The following FAM83C variants were observed in gnomAD, a reference collection of about 807,000 sequenced individuals.
FAM83C encodes the protein scaffolding CK1 anchoring protein C.
FAM83C carries 23 observed loss-of-function variants against 27.1 expected under a neutral mutation model. The ratio of observed to expected loss-of-function variants is 0.85; its 90% CI spans 0.61 to 1.20. FAM83C has a LOEUF of 1.20. Among genes scored for constraint, FAM83C ranks in the 50% most tolerant of loss-of-function variants. The probability of loss-of-function intolerance (pLI) is 0.00; values close to 1 mark genes in which losing one functional copy is unlikely to be tolerated. For missense variants in FAM83C, 984 were observed against 1,001.3 expected (o/e 0.98, Z 0.23); for synonymous variants, 426 against 423.1 (o/e 1.01, Z -0.09).
chr20:35,290,248 C>A (rs2060843110), intron 1 of FAM83C, among the ~76,000 whole-genome samples: 1 of 152,178 alleles, frequency 6.6e-6, no homozygotes, highest in African/African-American at 2.4e-5. Context: ...CAAAGAGGCC[C>A]CTGAAACCTT....
Position 35,288,563 on chromosome 20 carries a change from C to A in FAM83C, c.704G>T (p.Cys235Phe). 6.2e-7 allele frequency: 1 copy of A among 1,614,192 alleles called. No homozygotes were observed. Among genetic ancestry groups the A allele is most frequent in the Non-Finnish European group, 8.5e-7 (1 of 1,180,010 alleles). ...AGCCTTGCTGCAGTATGTGTCCCCA[C>A]ACGTGCTCCGCACACGCATGTTCTA... Reference protein sequence around the residue: ...HLPNMRVRSTCGDTYCSKAGR... With the variant: ...HLPNMRVRSTFGDTYCSKAGR... Residue 235 changes from cysteine to phenylalanine, a missense_variant, in exon 3 of 4, where the codon TGT becomes TTT. Coordinates refer to ENST00000374408, the MANE Select transcript of FAM83C (RefSeq NM_178468.6).
intron 1 of FAM83C, 84 bp from the exon 2 acceptor site, chr20:35,289,042 G>A (rs2060839095): frequency 9.3e-6 from 14 of 1,506,822 alleles, no homozygotes; most frequent in South Asian, 3.9e-5. Context: ...GAAACTGGGC[G>A]CCGGGAAAAG....
At position 35,287,209 on chromosome 20, in the gene FAM83C, C is replaced by G. The variant is rs1157376616; in HGVS notation, c.1570G>C (p.Asp524His). The G allele has an allele frequency of 3.1e-6, 5 of 1,611,954 alleles. No homozygotes were observed. The highest frequency in any genetic ancestry group is 4.2e-6 in the Non-Finnish European group (5 of 1,179,950). Residue 524 changes from aspartate (D) to histidine (H), a missense_variant, in exon 4 of 4, where the codon GAC becomes CAC. Physicochemically the swap from Asp to His is moderately conservative, Grantham distance 81 (BLOSUM62 -1). Transcript: ENST00000374408. Reference sequence around the variant, plus strand: ...CCTGAGTTGGGGGTAACCCCAGAGTCAGGGTCTCCCACTTCTCGGGCTCTG... The same window carrying G: ...CCTGAGTTGGGGGTAACCCCAGAGTGAGGGTCTCCCACTTCTCGGGCTCTG... ...FPRAREVGDP[D>H]SGVTPNSGPL...
In FAM83C at chr20:35,289,287, A is replaced by G. The variant is rs561321181; in HGVS notation, c.514-329T>C. On this transcript the variant is annotated intron_variant, in intron 1 of 3. Transcript: ENST00000374408. ...GGCTCAAGCAATCTCCTCCCAACTC[A>G]GCCTCCCAAGTAGCTGGTATTATAG... Among the ~76,000 whole-genome samples, 9 of 151,176 alleles carry G rather than the reference A, an allele frequency of 6.0e-5. No homozygotes were observed. In the South Asian group the frequency reaches 1.7e-3, roughly 28 times the overall value.
In FAM83C at chr20:35,292,248, C is replaced by A. The variant is rs1600834282; in HGVS notation, c.57G>T (p.Leu19=). 1 of 1,552,080 alleles carries A rather than the reference C, an allele frequency of 6.4e-7. No homozygotes were observed. Among genetic ancestry groups the A allele is most frequent in the Non-Finnish European group, 8.6e-7 (1 of 1,157,004 alleles). Reference sequence around the variant, plus strand: ...GCTTCAGCTCTTCCACCCGGCCCCGCAGGGGTCCCGCCATGCCCTGGGCTC... The same window carrying A: ...GCTTCAGCTCTTCCACCCGGCCCCGAAGGGGTCCCGCCATGCCCTGGGCTC... The part of the protein sequence containing the change: ...VLGAQGMAGP[L]RGRVEELKLP... Residue 19 remains leucine (L), a synonymous_variant, in exon 1 of 4, where the codon CTG becomes CTT. Transcript: ENST00000374408.
chr20:35,291,643 C>A, intron 1 of FAM83C, 149 bp downstream of exon 1: 1 of 1,010,416 alleles, frequency 9.9e-7, no homozygotes, highest in Non-Finnish European at 1.4e-6. Flanking sequence ...GGGATGTCCC[C>A]CTTCTAGGAG....
rs2060822237 is a variant in FAM83C at position 35,286,083 on chromosome 20, C to T, written c.*452G>A. The T allele has an allele frequency of 5.9e-6, 1 of 168,468 alleles. No individual in the cohort carries two copies. Among genetic ancestry groups the T allele is most frequent in the Non-Finnish European group, 1.3e-5 (1 of 78,574 alleles). 10.4% of individuals were successfully genotyped at this position (168,468 alleles called of 1,614,324 possible). Reference sequence around the variant, plus strand: ...ACTCTCTCCTCCCTCTGTCCAAAACCTCCCCATCCTTCAGGGCCTGGCTCA... The same window carrying T: ...ACTCTCTCCTCCCTCTGTCCAAAACTTCCCCATCCTTCAGGGCCTGGCTCA... On this transcript the variant is annotated 3_prime_UTR_variant, in exon 4 of 4. Transcript: ENST00000374408.
At chr20:35,289,811 T>C (rs1349002812) in intron 1 of FAM83C, among the ~76,000 whole-genome samples, 1 of 152,164 alleles carries the variant, frequency 6.6e-6, no homozygotes, top group Admixed American at 6.5e-5. Context: ...AGCATTTGTG[T>C]GCATCCTTCT....
rs146526998 is a variant in FAM83C, at chr20:35,287,626, G to A, written c.1153C>T (p.Arg385Cys). The change falls in exon 4 of 4, where the codon CGC becomes TGC. Residue 385 changes from arginine (R) to cysteine (C), a missense_variant. Arg to Cys is a radical substitution (Grantham distance 180). Coordinates refer to ENST00000374408, the MANE Select transcript of FAM83C (RefSeq NM_178468.6). Reference sequence around the variant, plus strand: ...GAGGGCTGGCCACTGGCCTCACGGCGGGCAGGACCCAGGGACGAGGACACC... The same window carrying A: ...GAGGGCTGGCCACTGGCCTCACGGCAGGCAGGACCCAGGGACGAGGACACC... ...GVVSSSLGPA[R>C]REASGQPSLH... The A allele has an allele frequency of 1.0e-4, 163 of 1,614,012 alleles. 1 individual carries two copies. Among genetic ancestry groups the A allele is most frequent in the African/African-American group, 5.6e-4 (42 of 75,034 alleles).
Position 35,287,609 on chromosome 20 carries a change from G to T in FAM83C, c.1170C>A (p.Gly390=), listed in dbSNP as rs2060832740. The part of the protein sequence containing the change: ...SLGPARREAS[G]QPSLHRQLSD... ...ACAGTTGGCGATGTAGGGAGGGCTG[G>T]CCACTGGCCTCACGGCGGGCAGGAC... Residue 390 remains glycine (G), a synonymous_variant, in exon 4 of 4, where the codon GGC becomes GGA. Transcript: ENST00000374408. 6.2e-7 allele frequency: 1 copy of T among 1,613,966 alleles called. No individual in the cohort carries two copies. Among genetic ancestry groups the T allele is most frequent in the Non-Finnish European group, 8.5e-7 (1 of 1,179,986 alleles).
chr20:35,288,417 G>T, intron 3 of FAM83C, 44 bp downstream of exon 3: 2 of 1,609,280 alleles, frequency 1.2e-6, no homozygotes, highest in Non-Finnish European at 1.7e-6. Context: ...CTGCCAGCCA[G>T]TGATGCAGCC....
rs758824240 is a variant in FAM83C, at chr20:35,291,911, A to T, written c.394T>A (p.Trp132Arg). ...DIDPPDLDLG[W>R]PEVPQATGFS... ...CCTGTGGCCTGTGGCACCTCGGGCC[A>T]GCCCAGGTCCAGGTCTGGGGGGTCT... Residue 132 changes from tryptophan (W) to arginine (R), a missense_variant, in exon 1 of 4, where the codon TGG becomes AGG. Trp to Arg is a moderately radical substitution (Grantham distance 101). Coordinates refer to ENST00000374408, the MANE Select transcript of FAM83C (RefSeq NM_178468.6). 2 of 1,613,050 alleles carry T rather than the reference A, an allele frequency of 1.2e-6. No homozygotes were observed. Among genetic ancestry groups the T allele is most frequent in the South Asian group, 2.2e-5 (2 of 91,074 alleles).
At position 35,287,302 on chromosome 20, in the gene FAM83C, C is replaced by A; in HGVS notation, c.1477G>T (p.Glu493Ter). ...WVPGTTLETV[E>*]EKEKKASPSQ... ...GGAGATGCCTTCTTCTCCTTCTCCT[C>A]CACTGTCTCCAGGGTTGTGCCAGGT... is the stretch of plus-strand genomic sequence containing the variant. The change falls in exon 4 of 4, where the codon GAG becomes TAG. Residue 493 changes from glutamate (E) to a stop codon, truncating the protein, a stop_gained. Transcript: ENST00000374408. LOFTEE classifies it low-confidence loss of function (END_TRUNC). 1.2e-6 allele frequency: 2 copies of A among 1,613,588 alleles called. No individual in the cohort carries two copies.
At chr20:35,288,046 G>A (rs1232238260) in intron 3 of FAM83C, 74 bp from the exon 4 acceptor site, 14 of 1,296,732 alleles carry the variant, frequency 1.1e-5, no homozygotes, top group Non-Finnish European at 1.5e-5. Flanking sequence ...CACAGCCAGG[G>A]GTGCATACCT....
Position 35,291,804 on chromosome 20 carries a change from G to A in FAM83C, c.501C>T (p.Ser167=). ...ATGAGGCCCTTACCGTGTGGGCCTG[G>A]CTGAAAAGGAAGCGCAGCAGGTCCT... is the stretch of plus-strand genomic sequence containing the variant. ...NIKDLLRFLF[S]QAHTVVAVVM... is the part of the protein sequence containing the mutation. Residue 167 remains serine (S), a synonymous_variant, in exon 1 of 4, where the codon AGC becomes AGT. Coordinates refer to ENST00000374408, the MANE Select transcript of FAM83C (RefSeq NM_178468.6). 6.2e-7 allele frequency: 1 copy of A among 1,614,078 alleles called. No homozygotes were observed. Among genetic ancestry groups the A allele is most frequent in the Non-Finnish European group, 8.5e-7 (1 of 1,180,030 alleles).
At position 35,292,327 on chromosome 20, in the gene FAM83C, C is replaced by G. The variant is rs1297855690; in HGVS notation, c.-23G>C. On this transcript the variant is annotated 5_prime_UTR_variant, in exon 1 of 4. Transcript: ENST00000374408. Reference sequence around the variant, plus strand: ...CATGCCTGCCACGCGGCTGCCTCACCCGCCGGCAGGGCCCATGGCCCGCAC... The same window carrying G: ...CATGCCTGCCACGCGGCTGCCTCACGCGCCGGCAGGGCCCATGGCCCGCAC... The G allele has an allele frequency of 6.8e-7, 1 of 1,463,520 alleles. No individual in the cohort carries two copies. The highest frequency in any genetic ancestry group is 2.5e-5 in the Admixed American group (1 of 39,660). 90.7% of individuals were successfully genotyped at this position (1,463,520 alleles called of 1,614,324 possible).
chr20:35,290,467 C>T (rs1415646666), intron 1 of FAM83C, among the ~76,000 whole-genome samples: 1 of 152,214 alleles, frequency 6.6e-6, no homozygotes. Flanking sequence ...GAAGCCTCAC[C>T]TTCCTCATCT....
At position 35,288,572 on chromosome 20, in the gene FAM83C, C is replaced by G; in HGVS notation, c.695G>C (p.Arg232Pro). 6.2e-7 allele frequency: 1 copy of G among 1,614,198 alleles called. No individual in the cohort carries two copies. The highest frequency in any genetic ancestry group is 8.5e-7 in the Non-Finnish European group (1 of 1,180,012). The stretch of plus-strand genomic sequence containing the variant: ...GCAGTATGTGTCCCCACACGTGCTC[C>G]GCACACGCATGTTCTAGGTGGAAGT... ...NGEHLPNMRV[R>P]STCGDTYCSK... Residue 232 changes from arginine (R) to proline (P), a missense_variant, in exon 3 of 4, where the codon CGG becomes CCG. Physicochemically the swap from Arg to Pro is moderately radical, Grantham distance 103 (BLOSUM62 -2). Transcript: ENST00000374408.
At chr20:35,290,561 A>C (rs1226294731) in intron 1 of FAM83C, among the ~76,000 whole-genome samples, 4 of 152,302 alleles carry the variant, frequency 2.6e-5, no homozygotes, top group Non-Finnish European at 4.4e-5. Context: ...GAGCTCTATA[A>C]ACATTGGGCT....
Sources: gnomAD v4.1 joint callset for allele counts (sites outside exome capture counted in the v4.1 genomes callset) on GRCh38, gnomAD v4.1.1 for gene constraint, MANE v1.5 for transcripts, NCBI Gene and HGNC (gene_info 2026-07-23, HGNC 2026-07-21) for gene names.